RTL4: variants seen among roughly 807,000 people sequenced by gnomAD.
RTL4 encodes retrotransposon Gag like 4.
A neutral mutation model predicts 5.3 loss-of-function variants in RTL4; 4 were observed. The ratio of observed to expected loss-of-function variants is 0.75; its 90% CI spans 0.37 to 1.72. The LOEUF (loss-of-function observed/expected upper bound fraction) is 1.72. Ranked by LOEUF, RTL4 falls within the 40% of genes most tolerant of loss-of-function variation. The pLI is 0.04. For missense variants in RTL4, 260 were observed against 227.1 expected (o/e 1.14, Z -0.93); for synonymous variants, 98 against 87.3 (o/e 1.12, Z -0.68).
chrX:112,310,449 A>ATAATATATATTTC, the RTL4 span, among the ~76,000 whole-genome samples: 1 of 73,406 alleles, frequency 1.4e-5, no homozygotes, highest in Admixed American at 1.9e-4. Flanking sequence ...ATATAGAAAT[A>ATAATATATATTTC]TATATTATAT....
chrX:112,106,753 A>G, the RTL4 span, among the ~76,000 whole-genome samples: 12 of 111,580 alleles, frequency 1.1e-4, no homozygotes, highest in South Asian at 3.8e-4. Flanking sequence ...TTGCATTTCC[A>G]TGATGATTAG....
At chrX:112,403,108 T>C in the RTL4 span, among the ~76,000 whole-genome samples, 4 of 111,865 alleles carry the variant, frequency 3.6e-5, no homozygotes, top group African/African-American at 1.3e-4. Flanking sequence ...TTCTTGGTTT[T>C]ATGTACATGT....
chrX:112,122,364 G>A, the RTL4 span, among the ~76,000 whole-genome samples: 3 of 111,172 alleles, frequency 2.7e-5, no homozygotes, highest in Non-Finnish European at 5.7e-5. Flanking sequence ...TCACTTGTCT[G>A]TGGGAGTTAA....
the RTL4 span, among the ~76,000 whole-genome samples, chrX:112,162,578 C>T: frequency 1.5e-4 from 17 of 111,443 alleles, no homozygotes; most frequent in Non-Finnish European, 2.3e-4. Context: ...CCTGACCTGC[C>T]CCAATTAAAT....
chrX:112,314,266 A>G, the RTL4 span, among the ~76,000 whole-genome samples: 1 of 111,379 alleles, frequency 9.0e-6, no homozygotes, highest in Non-Finnish European at 1.9e-5. Context: ...TTTAGGAAAT[A>G]AGATAAAACT....
chrX:112,099,559 G>A, the RTL4 span, among the ~76,000 whole-genome samples: 2 of 111,368 alleles, frequency 1.8e-5, no homozygotes, highest in African/African-American at 6.5e-5. Context: ...AGTGGTGTGA[G>A]AAATCTACTG....
exon 1 of RTL4, chrX:112,455,914 CA>C (rs879000569): frequency 9.7e-5 from 35 of 360,521 alleles, no homozygotes; most frequent in African/African-American, 7.9e-4. Flanking sequence ...CCAAGAGCAC[CA>C]AAAACCTGCA....
At chrX:112,167,691 T>G in the RTL4 span, among the ~76,000 whole-genome samples, 1 of 110,138 alleles carries the variant, frequency 9.1e-6, no homozygotes, top group African/African-American at 3.3e-5. Flanking sequence ...TTTTTTCCTT[T>G]TCTTTGTTTT....
chrX:112,196,387 T>G, the RTL4 span, among the ~76,000 whole-genome samples: 20 of 111,930 alleles, frequency 1.8e-4, no homozygotes, highest in African/African-American at 6.5e-4. Flanking sequence ...ATTTACCTGT[T>G]GAAGGGAATT....
At chrX:112,261,727 A>C in the RTL4 span, among the ~76,000 whole-genome samples, 2 of 112,121 alleles carry the variant, frequency 1.8e-5, no homozygotes, top group Admixed American at 9.5e-5. Context: ...AAGAGGCCAC[A>C]TTGCCAAGTC....
chrX:112,386,080 A>G, the RTL4 span, among the ~76,000 whole-genome samples: 2 of 110,760 alleles, frequency 1.8e-5, no homozygotes, highest in African/African-American at 6.7e-5. Context: ...TTATATTAAT[A>G]GGCTTTAATT....
At chrX:112,179,295 C>T in the RTL4 span, among the ~76,000 whole-genome samples, 2 of 110,602 alleles carry the variant, frequency 1.8e-5, no homozygotes, top group Non-Finnish European at 3.8e-5. Context: ...AATGCTTCTG[C>T]TCCATATGTT....
chrX:112,450,879 A>G (rs1378646081), upstream of RTL4, among the ~76,000 whole-genome samples: 1 of 112,166 alleles, frequency 8.9e-6, no homozygotes, highest in Non-Finnish European at 1.9e-5. Flanking sequence ...TCTTATCTCA[A>G]TTGTGAAATC....
At chrX:112,103,005 T>C in the RTL4 span, among the ~76,000 whole-genome samples, 1 of 111,940 alleles carries the variant, frequency 8.9e-6, no homozygotes, top group East Asian at 2.8e-4. Flanking sequence ...AGTTCAACCA[T>C]TGTGGAAGAC....
the RTL4 span, among the ~76,000 whole-genome samples, chrX:112,197,317 T>C: frequency 7.2e-5 from 8 of 110,723 alleles, no homozygotes; most frequent in African/African-American, 2.6e-4. Flanking sequence ...GTTCCCCATC[T>C]GGTCTTCACT....
the RTL4 span, among the ~76,000 whole-genome samples, chrX:112,274,859 C>A: frequency 8.9e-6 from 1 of 111,748 alleles, no homozygotes; most frequent in Non-Finnish European, 1.9e-5. Context: ...TAAGAATAGT[C>A]TTAGTGGGAT....
At chrX:112,272,546 T>C in the RTL4 span, among the ~76,000 whole-genome samples, 1 of 111,530 alleles carries the variant, frequency 9.0e-6, no homozygotes, top group East Asian at 2.8e-4. Context: ...GGGCTGTGAA[T>C]GTGGAGGCCC....
chrX:112,193,509 G>T, the RTL4 span, among the ~76,000 whole-genome samples: 6 of 110,982 alleles, frequency 5.4e-5, no homozygotes, highest in Non-Finnish European at 1.1e-4. Context: ...CTTTGTATTT[G>T]CTTTCAACAG....
the RTL4 span, among the ~76,000 whole-genome samples, chrX:112,094,516 A>G: frequency 2.7e-5 from 3 of 110,965 alleles, no homozygotes; most frequent in African/African-American, 6.5e-5. Context: ...TTGTCACCAT[A>G]TAGATAGTAA....
Sources: gnomAD v4.1 joint callset for allele counts (sites outside exome capture counted in the v4.1 genomes callset) on GRCh38, gnomAD v4.1.1 for gene constraint, MANE v1.5 for transcripts, NCBI Gene and HGNC (gene_info 2026-07-23, HGNC 2026-07-21) for gene names.